The following SNTB1 variants were observed in gnomAD, a reference collection of about 807,000 sequenced individuals.
The protein encoded by SNTB1 is syntrophin beta 1.
Under a neutral mutation model 48.9 loss-of-function variants are expected in SNTB1, and 36 were observed. The ratio of observed to expected loss-of-function variants is 0.74; its 90% CI spans 0.56 to 0.97. SNTB1 has a LOEUF of 0.97. SNTB1 is among the 50% of genes least tolerant of loss of function. The pLI is 0.00. For missense variants in SNTB1, 786 were observed against 703.4 expected, an observed-to-expected ratio of 1.12 and a Z score of -1.33; for synonymous variants, 299 against 294.6, an observed-to-expected ratio of 1.01 and a Z score of -0.15.
intron 1 of SNTB1, among the ~76,000 whole-genome samples, chr8:120,736,789 G>A (rs12544827): frequency 6.6e-6 from 1 of 152,008 alleles, no homozygotes; most frequent in East Asian, 1.9e-4. Context: ...TCCCACAGCC[G>A]TTTTGATTAC....
Position 120,749,687 on chromosome 8 carries a change from A to C in SNTB1, c.572-55779T>G, listed in dbSNP as rs186545741. ...AGGAAACTGAAACAGACTCAGGGGA[A>C]GTTAGAAGCCAAATATCTTTCTTGT... On this transcript the variant is annotated intron_variant, in intron 1 of 6. Transcript: ENST00000517992. Among the ~76,000 whole-genome samples, 137 of 152,300 alleles carry C rather than the reference A, an allele frequency of 9.0e-4. 1 individual carries two copies. The highest frequency in any genetic ancestry group is 3.3e-3 in the South Asian group (16 of 4,826).
At chr8:120,650,017 T>C (rs942844897) in intron 2 of SNTB1, among the ~76,000 whole-genome samples, 1 of 152,206 alleles carries the variant, frequency 6.6e-6, no homozygotes, top group Non-Finnish European at 1.5e-5. Flanking sequence ...TGCCTCGCCC[T>C]GCTTCGGCTC....
chr8:120,776,956 C>G (rs1819745503), intron 1 of SNTB1: 2 of 152,136 alleles, frequency 1.3e-5, no homozygotes, highest in South Asian at 4.1e-4. Context: ...ACCAATAGAT[C>G]TAAGGAACAG....
At chr8:120,555,551 TC>T (rs1815552980) in intron 4 of SNTB1, among the ~76,000 whole-genome samples, 1 of 152,188 alleles carries the variant, frequency 6.6e-6, no homozygotes, top group Admixed American at 6.5e-5. Flanking sequence ...AGTCCGTAGT[TC>T]CTGCCGGCAT....
At chr8:120,651,514 G>C (rs4871089) in intron 2 of SNTB1, among the ~76,000 whole-genome samples, 55,341 of 152,120 alleles carry the variant, frequency 0.36, 12,174 homozygotes, top group Non-Finnish European at 0.49. Flanking sequence ...CTCATAGCCT[G>C]AGCTAATCAG....
chr8:120,584,313 G>A (rs1816099080), intron 3 of SNTB1, among the ~76,000 whole-genome samples: 2 of 151,694 alleles, frequency 1.3e-5, no homozygotes, highest in Admixed American at 6.6e-5. Flanking sequence ...CTGGTGGTGG[G>A]TGCCTGTAGT....
In SNTB1 at chr8:120,627,488, C is replaced by G. The variant is rs550361265; in HGVS notation, c.996+4956G>C. 9.2e-5 allele frequency among the ~76,000 whole-genome samples: 14 copies of G among 152,102 alleles called. No individual in the cohort carries two copies. The South Asian group carries it at 2.1e-3, about 23-fold the overall frequency. The stretch of plus-strand genomic sequence containing the variant: ...GTGGAAGATAAAAGAAGGAACCTAA[C>G]CAGAGAGGTTCAGCTGATTGACATA... On this transcript the variant is annotated intron_variant, in intron 3 of 6. Transcript: ENST00000517992.
At chr8:120,706,916 C>A (rs1818386532) in intron 1 of SNTB1, among the ~76,000 whole-genome samples, 1 of 151,860 alleles carries the variant, frequency 6.6e-6, no homozygotes. Context: ...ATATCATTAC[C>A]AAGGGTAGAG....
At chr8:120,775,750 G>A (rs866208769) in intron 1 of SNTB1, among the ~76,000 whole-genome samples, 6 of 131,994 alleles carry the variant, frequency 4.5e-5, no homozygotes, top group Admixed American at 3.0e-4. Flanking sequence ...AAGGAAGGAA[G>A]GAAGGAAAGA....
chr8:120,738,293 C>T (rs114578899), intron 1 of SNTB1, among the ~76,000 whole-genome samples: 1 of 152,096 alleles, frequency 6.6e-6, no homozygotes. Context: ...TTTGTTAGGG[C>T]AGCCTGAACA....
intron 1 of SNTB1, among the ~76,000 whole-genome samples, chr8:120,726,740 T>C (rs1428297524): frequency 2.6e-5 from 4 of 152,200 alleles, no homozygotes; most frequent in Non-Finnish European, 5.9e-5. Context: ...AGGAAGTGCA[T>C]GTAGCTGGTT....
Position 120,632,846 on chromosome 8 carries a change from T to C in SNTB1, c.789-195A>G, listed in dbSNP as rs1365418496. On this transcript the variant is annotated intron_variant, in intron 2 of 6. Coordinates refer to ENST00000517992, the MANE Select transcript of SNTB1 (RefSeq NM_021021.4). ...CACGCATATTTACTGGGTTCCCAAG[T>C]ACTGGTCTACATATTGGGAACACAG... 1.3e-5 allele frequency among the ~76,000 whole-genome samples: 2 copies of C among 152,216 alleles called. 1 individual carries two copies. The highest frequency in any genetic ancestry group is 4.8e-5 in the African/African-American group (2 of 41,468).
At chr8:120,642,494 G>A (rs1007758594) in intron 2 of SNTB1, among the ~76,000 whole-genome samples, 2 of 152,202 alleles carry the variant, frequency 1.3e-5, no homozygotes, top group Non-Finnish European at 2.9e-5. Flanking sequence ...CTGAGGCTAA[G>A]CTGGAGCCCC....
At chr8:120,553,148 C>T (rs1470556085) in intron 4 of SNTB1, among the ~76,000 whole-genome samples, 2 of 152,166 alleles carry the variant, frequency 1.3e-5, no homozygotes, top group Non-Finnish European at 2.9e-5. Context: ...GTCTTGGGGA[C>T]TCCTGTTTTA....
chr8:120,663,850 G>C (rs757570783), intron 2 of SNTB1, among the ~76,000 whole-genome samples: 9 of 152,126 alleles, frequency 5.9e-5, no homozygotes, highest in Non-Finnish European at 1.0e-4. Context: ...AAGAGAGAAT[G>C]CTTGAGATAC....
intron 1 of SNTB1, among the ~76,000 whole-genome samples, chr8:120,724,386 G>C (rs1818719630): frequency 6.6e-6 from 1 of 152,312 alleles, no homozygotes; most frequent in South Asian, 2.1e-4. Context: ...AGGGGTATGT[G>C]TCTCCTGAGA....
At chr8:120,777,811 G>A (rs1363474953) in intron 1 of SNTB1, among the ~76,000 whole-genome samples, 1 of 152,162 alleles carries the variant, frequency 6.6e-6, no homozygotes, top group Non-Finnish European at 1.5e-5. Flanking sequence ...AAAATGCCCT[G>A]GGTTATCCAG....
intron 3 of SNTB1, among the ~76,000 whole-genome samples, chr8:120,616,350 G>T (rs1454842873): frequency 2.7e-5 from 4 of 149,890 alleles, no homozygotes; most frequent in Non-Finnish European, 5.9e-5. Flanking sequence ...CATGGCCTGG[G>T]GTACAGTGGT....
chr8:120,662,577 C>T (rs941674642), intron 2 of SNTB1, among the ~76,000 whole-genome samples: 3 of 152,086 alleles, frequency 2.0e-5, no homozygotes, highest in Non-Finnish European at 2.9e-5. Flanking sequence ...CAGTGGAGAG[C>T]GAGAGGAGAA....
Sources: allele counts gnomAD v4.1 joint callset (sites outside exome capture counted in the v4.1 genomes callset), GRCh38; gene constraint gnomAD v4.1.1; transcripts MANE v1.5; gene names NCBI Gene and HGNC (gene_info 2026-07-23, HGNC 2026-07-21).